TMEM17: variants seen among roughly 807,000 people sequenced by gnomAD.
TMEM17 encodes transmembrane protein 17.
A neutral mutation model predicts 19.1 loss-of-function variants in TMEM17; 15 were observed. The ratio of observed to expected loss-of-function variants is 0.78; its 90% confidence interval spans 0.52 to 1.21. The LOEUF (loss-of-function observed/expected upper bound fraction) is 1.21, where lower values mean the gene tolerates loss of function less well. TMEM17 is among the 50% of genes most tolerant of loss of function. The pLI, the probability that TMEM17 is intolerant of heterozygous loss-of-function variation, is 0.00. For synonymous variants in TMEM17, 103 were observed against 86.9 expected (o/e 1.19, Z -1.03); for missense variants, 245 against 242.3 (o/e 1.01, Z -0.07).
At chr2:62,476,315 T>C in the TMEM17 span, among the ~76,000 whole-genome samples, 14 of 152,260 alleles carry the variant, frequency 9.2e-5, no homozygotes, top group African/African-American at 3.1e-4. Flanking sequence ...CTGACTCTTA[T>C]CCAAAAACCA....
the TMEM17 span, among the ~76,000 whole-genome samples, chr2:62,480,468 T>G: frequency 6.6e-6 from 1 of 152,172 alleles, no homozygotes; most frequent in Non-Finnish European, 1.5e-5. Context: ...CTTTTTGAGG[T>G]TTTACTTAAG....
the TMEM17 span, among the ~76,000 whole-genome samples, chr2:62,465,951 G>T: frequency 2.6e-5 from 4 of 152,104 alleles, no homozygotes; most frequent in African/African-American, 9.7e-5. Context: ...AGGCAGGAAA[G>T]GCCTCAAATG....
chr2:62,494,476 AAAT>A, the TMEM17 span, among the ~76,000 whole-genome samples: 1 of 152,228 alleles, frequency 6.6e-6, no homozygotes, highest in Non-Finnish European at 1.5e-5. Flanking sequence ...AAGCATTTAA[AAAT>A]AATTTTTAAA....
downstream of TMEM17, among the ~76,000 whole-genome samples, chr2:62,498,726 TAAAATA>T (rs1679840708): frequency 7.5e-6 from 1 of 133,896 alleles, no homozygotes; most frequent in African/African-American, 2.7e-5. Flanking sequence ...AAAAATAAAA[TAAAATA>T]AAATAAAATA....
downstream of TMEM17, among the ~76,000 whole-genome samples, chr2:62,496,767 A>G (rs944955230): frequency 6.6e-6 from 1 of 152,226 alleles, no homozygotes; most frequent in Non-Finnish European, 1.5e-5. Context: ...ATGTCAAATA[A>G]AACTTAGATT....
downstream of TMEM17, among the ~76,000 whole-genome samples, chr2:62,496,904 T>C (rs1679792203): frequency 6.6e-6 from 1 of 152,162 alleles, no homozygotes. Context: ...TCAAGACCTA[T>C]GATTGTGCCA....
At chr2:62,469,835 C>T in the TMEM17 span, among the ~76,000 whole-genome samples, 1,709 of 152,358 alleles carry the variant, frequency 0.011, 34 homozygotes, top group African/African-American at 0.039. Context: ...AGCAGGCTGT[C>T]TCCTGGCCAT....
At chr2:62,498,707 C>T (rs1308159857), downstream of TMEM17, among the ~76,000 whole-genome samples, 2 of 144,582 alleles carry the variant, frequency 1.4e-5, no homozygotes, top group South Asian at 2.1e-4. Flanking sequence ...CAGAGCGAGA[C>T]TCCGTCTCAA....
chr2:62,469,384 C>T, the TMEM17 span, among the ~76,000 whole-genome samples: 1 of 152,240 alleles, frequency 6.6e-6, no homozygotes, highest in Non-Finnish European at 1.5e-5. Flanking sequence ...TTTTTACCTT[C>T]ATTTTCAAAC....
the TMEM17 span, among the ~76,000 whole-genome samples, chr2:62,456,851 G>A: frequency 2.6e-5 from 4 of 152,262 alleles, no homozygotes; most frequent in Admixed American, 2.0e-4. Flanking sequence ...TTGATAGCAC[G>A]TGTGAGCCTG....
chr2:62,466,532 G>A, the TMEM17 span, among the ~76,000 whole-genome samples: 1 of 152,154 alleles, frequency 6.6e-6, no homozygotes, highest in Non-Finnish European at 1.5e-5. Context: ...CAGAAAATGA[G>A]GCTAAGTTCA....
At chr2:62,493,276 C>T in the TMEM17 span, among the ~76,000 whole-genome samples, 6 of 152,162 alleles carry the variant, frequency 3.9e-5, no homozygotes, top group Non-Finnish European at 7.4e-5. Flanking sequence ...AATCCTCCTG[C>T]CTTGGCCTTG....
At chr2:62,493,710 C>G in the TMEM17 span, among the ~76,000 whole-genome samples, 1 of 152,172 alleles carries the variant, frequency 6.6e-6, no homozygotes, top group East Asian at 1.9e-4. Flanking sequence ...TTAGTTCTCC[C>G]TCTCAGCTTT....
At chr2:62,497,729 A>C (rs1679809513), downstream of TMEM17, among the ~76,000 whole-genome samples, 1 of 152,214 alleles carries the variant, frequency 6.6e-6, no homozygotes, top group South Asian at 2.1e-4. Context: ...TTTAACCTGA[A>C]TACTGCCTAC....
chr2:62,463,989 ACCCCCC>A, the TMEM17 span: 6 of 151,974 alleles, frequency 3.9e-5, no homozygotes, highest in African/African-American at 1.4e-4. Flanking sequence ...AAGATGACCT[ACCCCCC>A]CATCCCCTTT....
chr2:62,455,383 G>A, the TMEM17 span, among the ~76,000 whole-genome samples: 25 of 152,166 alleles, frequency 1.6e-4, no homozygotes, highest in Non-Finnish European at 5.9e-5. Context: ...CTAGGTTTGG[G>A]CAGCTATGAA....
At chr2:62,496,696 A>G (rs979891541), downstream of TMEM17, among the ~76,000 whole-genome samples, 10 of 152,216 alleles carry the variant, frequency 6.6e-5, no homozygotes, top group African/African-American at 2.4e-4. Flanking sequence ...TTGTGATCCT[A>G]TTCCTTTAGA....
chr2:62,458,489 G>A, the TMEM17 span, among the ~76,000 whole-genome samples: 7 of 152,320 alleles, frequency 4.6e-5, no homozygotes, highest in Admixed American at 3.3e-4. Context: ...CAGCCATGAG[G>A]CTTTGGGAAA....
the TMEM17 span, among the ~76,000 whole-genome samples, chr2:62,458,785 G>A: frequency 6.6e-6 from 1 of 152,180 alleles, no homozygotes; most frequent in Non-Finnish European, 1.5e-5. Flanking sequence ...AATGCTCTGG[G>A]GTTCCCAGAC....
Sources: gnomAD v4.1 joint callset for allele counts (sites outside exome capture counted in the v4.1 genomes callset) on GRCh38, gnomAD v4.1.1 for gene constraint, MANE v1.5 for transcripts, NCBI Gene and HGNC (gene_info 2026-07-23, HGNC 2026-07-21) for gene names.